The following MED16 variants were observed in gnomAD, a reference collection of about 807,000 sequenced individuals.
The protein encoded by MED16 is mediator of RNA polymerase II transcription subunit 16.
A neutral mutation model predicts 84.4 loss-of-function variants in MED16; 81 were observed. That is an observed-to-expected ratio of 0.96 (90% confidence interval 0.80 to 1.15). MED16 has a LOEUF of 1.15. MED16 is among the 50% of genes most tolerant of loss of function. MED16 has a pLI of 0.00. For synonymous variants in MED16, 897 were observed against 552.2 expected (o/e 1.62, Z -8.76); for missense variants, 1,585 against 1,245.9 (o/e 1.27, Z -4.10).
intron 13 of MED16, among the ~76,000 whole-genome samples, chr19:869,496 A>G (rs1683590): frequency 0.32 from 47,958 of 151,990 alleles, 8,404 homozygotes; most frequent in African/African-American, 0.46. Flanking sequence ...CCCAGTTTAC[A>G]AGCCTCTGAC....
chr19:889,960 CCT>C (rs1244932687), intron 3 of MED16, among the ~76,000 whole-genome samples, 153 bp from the exon 4 acceptor site: 4 of 152,158 alleles, frequency 2.6e-5, no homozygotes, highest in Non-Finnish European at 4.4e-5. Flanking sequence ...CCAGAGATGC[CCT>C]GAGACACCCT....
At chr19:889,151 T>TC (rs376971044) in intron 4 of MED16, among the ~76,000 whole-genome samples, 8 of 84,648 alleles carry the variant, frequency 9.5e-5, no homozygotes, top group South Asian at 4.3e-4. Context: ...CTCTTAACTG[T>TC]CCCCCCCAAC....
At position 892,988 on chromosome 19, in the gene MED16, C is replaced by A. The variant is rs2036674004; in HGVS notation, c.-19+98G>T. 3 of 152,898 alleles carry A rather than the reference C, an allele frequency of 2.0e-5. No homozygotes were observed. The South Asian group carries it at 5.4e-4, about 27-fold the overall frequency. 9.5% of individuals were successfully genotyped at this position (152,898 alleles called of 1,614,324 possible). On this transcript the variant is annotated intron_variant, in intron 1 of 15. Coordinates refer to ENST00000325464, the MANE Select transcript of MED16 (RefSeq NM_005481.3). ...TTTGCTCCCGGCCACGCCCCCGACC[C>A]CGCAGGCCCCGCCACGGCTGCGCCG...
At chr19:872,649 CGGCGGGGGGGTGGG>C (rs1568320573) in intron 11 of MED16, among the ~76,000 whole-genome samples, 1 of 122,182 alleles carries the variant, frequency 8.2e-6, no homozygotes, top group African/African-American at 3.2e-5. Flanking sequence ...CAGAGTGTAC[CGGCGGGGGGGTGGG>C]GGCGAGGTTG....
At chr19:871,579 C>T (rs751934483) in intron 12 of MED16, 71 of 1,595,272 alleles carry the variant, frequency 4.5e-5, no homozygotes, top group South Asian at 9.9e-5. Context: ...ACACACAACC[C>T]GACAAGGAGA....
At chr19:870,904 C>A (rs1273915624) in intron 13 of MED16, 133 bp downstream of exon 13, 1 of 715,670 alleles carries the variant, frequency 1.4e-6, no homozygotes, top group East Asian at 3.3e-5. Context: ...GACATGGAGG[C>A]GGGGAGCCGT....
At chr19:877,932 C>T (rs1378936083) in intron 8 of MED16, among the ~76,000 whole-genome samples, 33 of 126,608 alleles carry the variant, frequency 2.6e-4, no homozygotes, top group South Asian at 8.0e-4. Context: ...AGCTCACCTT[C>T]CCGTGGTTGT....
In MED16 at chr19:885,914, G is replaced by C; in HGVS notation, c.735C>G (p.Cys245Trp). 1.2e-6 allele frequency: 2 copies of C among 1,613,532 alleles called. No homozygotes were observed. Among genetic ancestry groups the C allele is most frequent in the Non-Finnish European group, 1.7e-6 (2 of 1,179,956 alleles). The change falls in exon 5 of 16, where the codon TGC (cysteine) becomes TGG (tryptophan). Residue 245 changes from cysteine (C) to tryptophan (W), a missense_variant. Cys to Trp is a radical substitution (Grantham distance 215). Transcript: ENST00000325464. ...GGCACTTCTCGCTCACCACGCTCAC[G>C]CACACCTTGTAGAACTGCACGGGCG... ...SASPVQFYKV[C>W]VSVVSEKCRI...
At chr19:868,358 G>GAGGGGCAGCTGGGCTC (rs1369789590) in intron 15 of MED16, 58 bp downstream of exon 15, 4 of 1,594,502 alleles carry the variant, frequency 2.5e-6, no homozygotes, top group East Asian at 4.5e-5. Flanking sequence ...AGGAGTAGCT[G>GAGGGGCAGCTGGGCTC]AGGGGCAGCT....
chr19:871,291 C>A, intron 12 of MED16, 38 bp from the exon 13 acceptor site: 1 of 1,510,342 alleles, frequency 6.6e-7, no homozygotes. Context: ...GCACCCCTGA[C>A]TGGGGCACCG....
At position 868,909 on chromosome 19, in the gene MED16, G is replaced by A. The variant is rs761788284; in HGVS notation, c.2353C>T (p.Leu785=). ...GQPKIDHLRR[L]HLGACPTEEC... is the part of the protein sequence containing the mutation. ...TCCGTGGGGCAAGCGCCAAGGTGCA[G>A]CCTCCGCAGGTGGTCGATCTTGGGC... Residue 785 remains leucine (L), a synonymous_variant, in exon 14 of 16, where the codon CTG becomes TTG. Transcript: ENST00000325464. 4 of 1,551,038 alleles carry A rather than the reference G, an allele frequency of 2.6e-6. No individual in the cohort carries two copies. In the African/African-American group the frequency reaches 4.1e-5, roughly 16 times the overall value.
At chr19:884,722 A>G (rs1486904234) in intron 6 of MED16, among the ~76,000 whole-genome samples, 181 bp downstream of exon 6, 1 of 152,140 alleles carries the variant, frequency 6.6e-6, no homozygotes, top group African/African-American at 2.4e-5. Context: ...ACACACTCAG[A>G]ATGCTGGCAG....
intron 1 of MED16, 100 bp from the exon 2 acceptor site, chr19:891,249 G>A (rs2036625903): frequency 8.2e-7 from 1 of 1,216,278 alleles, no homozygotes; most frequent in African/African-American, 1.5e-5. Flanking sequence ...GCCCGTGGTA[G>A]AGGGAACAGC....
chr19:880,230 G>T (rs908402345), intron 7 of MED16, 82 bp from the exon 8 acceptor site: 188 of 1,340,532 alleles, frequency 1.4e-4, no homozygotes, highest in Non-Finnish European at 1.8e-4. Context: ...TCTGCAGGGT[G>T]TGGAGAGCCG....
chr19:885,189 C>G (rs1385219563), intron 5 of MED16, among the ~76,000 whole-genome samples, 181 bp from the exon 6 acceptor site: 2 of 152,176 alleles, frequency 1.3e-5, no homozygotes, highest in African/African-American at 4.8e-5. Context: ...AACATCCACT[C>G]ACAGGAACGC....
At chr19:887,389 C>T (rs571846344) in intron 4 of MED16, among the ~76,000 whole-genome samples, 14 of 152,142 alleles carry the variant, frequency 9.2e-5, no homozygotes, top group Non-Finnish European at 1.3e-4. Flanking sequence ...AAAATTTGGC[C>T]GGACGCGGTG....
rs763651537 is a variant in MED16, at chr19:871,960, C to G, written c.2064G>C (p.Leu688=). Residue 688 remains leucine, a synonymous_variant, in exon 12 of 16, where the codon CTG becomes CTC. Transcript: ENST00000325464. The part of the protein sequence containing the change: ...ATSDTQDSMS[L]LFRLLTKLWI... ...AGAGCTTGGTGAGCAGGCGGAAGAG[C>G]AGGGACATGCTGTCCTGGGTATCCG... 1.2e-6 allele frequency: 2 copies of G among 1,604,866 alleles called. No individual in the cohort carries two copies. Among genetic ancestry groups the G allele is most frequent in the South Asian group, 1.1e-5 (1 of 90,674 alleles).
chr19:885,360 C>A (rs1283304498), intron 5 of MED16, among the ~76,000 whole-genome samples: 13 of 152,150 alleles, frequency 8.5e-5, no homozygotes, highest in Non-Finnish European at 1.5e-5. Context: ...AACATCCCAT[C>A]CTCAGCCCTA....
At chr19:885,645 G>A in intron 5 of MED16, 125 bp downstream of exon 5, 3 of 1,162,958 alleles carry the variant, frequency 2.6e-6, no homozygotes, top group South Asian at 3.0e-5. Context: ...CCCCGGGAGG[G>A]ACCGGCCCTG....
Sources: allele counts gnomAD v4.1 joint callset (sites outside exome capture counted in the v4.1 genomes callset), GRCh38; gene constraint gnomAD v4.1.1; transcripts MANE v1.5; gene names NCBI Gene and HGNC (gene_info 2026-07-23, HGNC 2026-07-21).